Variants in EBF1 observed in about 807,000 individuals in gnomAD.
EBF1 encodes the protein EBF transcription factor 1.
Under a neutral mutation model 68.4 loss-of-function variants are expected in EBF1, and 10 were observed. The observed-to-expected ratio is 0.15, with a 90% CI of 0.09 to 0.25. The LOEUF is 0.25. Among genes scored for constraint, EBF1 ranks in the 10% least tolerant of loss-of-function variants. The pLI is 1.00. For missense variants in EBF1, 509 were observed against 794.4 expected, an observed-to-expected ratio of 0.64 and a Z score of 4.32; for synonymous variants, 298 against 299.8, an observed-to-expected ratio of 0.99 and a Z score of 0.06.
At position 158,951,232 on chromosome 5, in the gene EBF1, T is replaced by C. The variant is rs564410724; in HGVS notation, c.555-111122A>G. Among the ~76,000 whole-genome samples the C allele has an allele frequency of 3.3e-4, 50 of 152,342 alleles. 1 individual carries two copies. The highest frequency in any genetic ancestry group is 1.2e-3 in the African/African-American group (50 of 41,582). ...TGACCCTGACACACTTTTGGCTGGGTGGGCCTGTGATGCCATGCGTTTACT... is the reference window on the plus strand; with the variant it reads ...TGACCCTGACACACTTTTGGCTGGGCGGGCCTGTGATGCCATGCGTTTACT... On this transcript the variant is annotated intron_variant, in intron 6 of 15. Transcript: ENST00000313708.
intron 10 of EBF1, among the ~76,000 whole-genome samples, chr5:158,748,176 A>C (rs138859046): frequency 9.9e-4 from 151 of 152,332 alleles, no homozygotes; most frequent in African/African-American, 3.6e-3. Context: ...TTTAAAAGGG[A>C]AAGTTGCCAG....
rs866082482 is a variant in EBF1 at position 159,056,906 on chromosome 5, A to G, written c.554+16490T>C. 3.3e-5 allele frequency among the ~76,000 whole-genome samples: 5 copies of G among 152,306 alleles called. No homozygotes were observed. The South Asian group carries it at 6.2e-4, about 19-fold the overall frequency. On this transcript the variant is annotated intron_variant, in intron 6 of 15. Coordinates refer to ENST00000313708, the MANE Select transcript of EBF1 (RefSeq NM_024007.5). ...GTAAAATTCCTACTGAAAGATGACT[A>G]TTGATGAAATACCTCTGGCAAACAA... is the stretch of plus-strand genomic sequence containing the variant.
intron 6 of EBF1, among the ~76,000 whole-genome samples, chr5:159,053,538 A>C (rs977663493): frequency 6.6e-6 from 1 of 151,750 alleles, no homozygotes; most frequent in African/African-American, 2.4e-5. Context: ...TCTATCATTC[A>C]AGTTTTATTT....
intron 6 of EBF1, among the ~76,000 whole-genome samples, chr5:158,998,877 C>G (rs1761970100): frequency 2.0e-5 from 3 of 152,200 alleles, no homozygotes; most frequent in Admixed American, 6.5e-5. Context: ...TTTGATTCCC[C>G]AACTGTGCCG....
At chr5:158,894,619 A>G (rs1376238573) in intron 6 of EBF1, among the ~76,000 whole-genome samples, 4 of 152,192 alleles carry the variant, frequency 2.6e-5, no homozygotes, top group Non-Finnish European at 5.9e-5. Flanking sequence ...TCGTTGTTTT[A>G]CAGGCAAGAT....
chr5:158,933,058 G>C (rs1561549985), intron 6 of EBF1, among the ~76,000 whole-genome samples: 1 of 152,078 alleles, frequency 6.6e-6, no homozygotes, highest in South Asian at 2.1e-4. Context: ...TGTAGCCAAG[G>C]CTCAGTTCAT....
At chr5:158,764,339 C>G (rs1206180015) in intron 10 of EBF1, among the ~76,000 whole-genome samples, 1 of 152,210 alleles carries the variant, frequency 6.6e-6, no homozygotes, top group Non-Finnish European at 1.5e-5. Context: ...TTAGCCAAGT[C>G]TTTAAAACTC....
chr5:158,751,275 G>T (rs1361323267), intron 10 of EBF1, among the ~76,000 whole-genome samples: 6 of 151,768 alleles, frequency 4.0e-5, no homozygotes, highest in African/African-American at 1.2e-4. Context: ...ATCTAAGCAC[G>T]TATTAGAGAG....
chr5:158,960,713 A>G (rs1033629871), intron 6 of EBF1, among the ~76,000 whole-genome samples: 2 of 152,196 alleles, frequency 1.3e-5, no homozygotes, highest in Non-Finnish European at 2.9e-5. Flanking sequence ...AAAAAGTGCA[A>G]TGTGTGACTT....
At chr5:158,712,510 C>G (rs543674007) in intron 13 of EBF1, among the ~76,000 whole-genome samples, 177 bp from the exon 14 acceptor site, 1 of 152,162 alleles carries the variant, frequency 6.6e-6, no homozygotes, top group South Asian at 2.1e-4. Context: ...AAATGGGAAG[C>G]GAGCAAAAGA....
intron 9 of EBF1, among the ~76,000 whole-genome samples, chr5:158,792,256 A>G (rs905703204): frequency 6.6e-6 from 1 of 152,232 alleles, no homozygotes; most frequent in Non-Finnish European, 1.5e-5. Flanking sequence ...AGAAATCGCA[A>G]GAAACAATAA....
intron 6 of EBF1, among the ~76,000 whole-genome samples, chr5:158,930,689 T>C (rs1346460213): frequency 6.6e-6 from 1 of 152,246 alleles, no homozygotes; most frequent in Non-Finnish European, 1.5e-5. Flanking sequence ...TCATAAGAAT[T>C]CAAAATGCTT....
At chr5:158,756,529 T>C (rs1770135465) in intron 10 of EBF1, among the ~76,000 whole-genome samples, 1 of 152,112 alleles carries the variant, frequency 6.6e-6, no homozygotes, top group Admixed American at 6.6e-5. Flanking sequence ...AAATAACCTC[T>C]TGAAGTATAA....
intron 6 of EBF1, among the ~76,000 whole-genome samples, chr5:159,032,931 C>T (rs1395304651): frequency 3.9e-5 from 6 of 152,012 alleles, no homozygotes; most frequent in African/African-American, 9.7e-5. Flanking sequence ...GACTTAAAAC[C>T]TTGCTTAAAA....
In EBF1 at chr5:158,876,531, G is replaced by A. The variant is rs114960775; in HGVS notation, c.555-36421C>T. Reference sequence around the variant, plus strand: ...GAGCCTGCTGCTTTGTGAGACCTCCGAGGGCATAGAGAGAAAAGGAAGCTC... The same window carrying A: ...GAGCCTGCTGCTTTGTGAGACCTCCAAGGGCATAGAGAGAAAAGGAAGCTC... On this transcript the variant is annotated intron_variant, in intron 6 of 15. Transcript: ENST00000313708. Among the ~76,000 whole-genome samples the A allele has an allele frequency of 2.9e-3, 441 of 152,224 alleles. 3 individuals are homozygous for A. The highest frequency in any genetic ancestry group is 9.9e-3 in the African/African-American group (410 of 41,546).
intron 6 of EBF1, among the ~76,000 whole-genome samples, chr5:158,945,304 C>T (rs1479946958): frequency 6.6e-6 from 1 of 152,138 alleles, no homozygotes; most frequent in Non-Finnish European, 1.5e-5. Context: ...GGACAGTTTT[C>T]CCAACGCCAT....
At chr5:159,074,270 T>C (rs1391300241) in intron 5 of EBF1, among the ~76,000 whole-genome samples, 1 of 152,214 alleles carries the variant, frequency 6.6e-6, no homozygotes, top group East Asian at 1.9e-4. Flanking sequence ...CTGCCAGTTT[T>C]TTAAAAACTG....
intron 4 of EBF1, among the ~76,000 whole-genome samples, chr5:159,086,435 A>G (rs1222943416): frequency 6.6e-6 from 1 of 152,188 alleles, no homozygotes; most frequent in Non-Finnish European, 1.5e-5. Context: ...CCAATGCTGC[A>G]TCCAGTTATC....
intron 6 of EBF1, among the ~76,000 whole-genome samples, chr5:158,907,220 G>A (rs1378725294): frequency 6.6e-6 from 1 of 152,196 alleles, no homozygotes; most frequent in African/African-American, 2.4e-5. Context: ...AAAAACAGTG[G>A]AGCGAAGGTG....
Sources: allele counts gnomAD v4.1 joint callset (sites outside exome capture counted in the v4.1 genomes callset), GRCh38; gene constraint gnomAD v4.1.1; transcripts MANE v1.5; gene names NCBI Gene and HGNC (gene_info 2026-07-23, HGNC 2026-07-21).